The following ARL13B variants were observed in gnomAD, a reference collection of about 807,000 sequenced individuals.
ARL13B encodes ARF like GTPase 13B, also known as ADP-ribosylation factor-like protein 13B.
A neutral mutation model predicts 56.1 loss-of-function variants in ARL13B; 36 were observed. The observed-to-expected ratio is 0.64, with a 90% CI of 0.49 to 0.85. ARL13B has a LOEUF of 0.85. ARL13B is among the 40% of genes least tolerant of loss of function. The pLI is 0.00. For missense variants in ARL13B, 519 were observed against 507.1 expected (o/e 1.02, Z -0.23); for synonymous variants, 178 against 171.1 (o/e 1.04, Z -0.32).
intron 3 of ARL13B, among the ~76,000 whole-genome samples, chr3:94,009,761 G>C (rs1379817815): frequency 6.6e-6 from 1 of 151,930 alleles, no homozygotes; most frequent in Non-Finnish European, 1.5e-5. Context: ...TTATACTGTT[G>C]ACTCATCTCC....
At chr3:94,042,494 CATTT>C (rs974548876) in intron 6 of ARL13B, among the ~76,000 whole-genome samples, 7 of 152,078 alleles carry the variant, frequency 4.6e-5, no homozygotes, top group African/African-American at 1.7e-4. Context: ...TTGTATCTAA[CATTT>C]ATGTAGCATT....
chr3:94,031,765 T>G (rs953939525), intron 3 of ARL13B, among the ~76,000 whole-genome samples: 2 of 152,198 alleles, frequency 1.3e-5, no homozygotes, highest in African/African-American at 4.8e-5. Flanking sequence ...ACAAGGTTAT[T>G]GTAACCAAAG....
intron 2 of ARL13B, among the ~76,000 whole-genome samples, chr3:93,999,603 G>T (rs563472663): frequency 1.3e-5 from 2 of 151,986 alleles, no homozygotes; most frequent in Admixed American, 6.6e-5. Flanking sequence ...TTAAATGTTC[G>T]ATTAAATTAT....
intron 6 of ARL13B, 30 bp downstream of exon 6, chr3:94,040,018 A>G: frequency 6.3e-7 from 1 of 1,590,392 alleles, no homozygotes; most frequent in South Asian, 1.1e-5. Context: ...TAATTTTTGT[A>G]TCTTAAGTTA....
At chr3:94,043,709 C>A (rs1207289175) in intron 7 of ARL13B, among the ~76,000 whole-genome samples, 2 of 104,714 alleles carry the variant, frequency 1.9e-5, no homozygotes, top group Non-Finnish European at 3.7e-5. Flanking sequence ...CGAGCCTGGA[C>A]TGTACTGCCA....
At chr3:93,980,558 T>TC (rs1478209060) in intron 1 of ARL13B, 76 bp downstream of exon 1, 1 of 1,572,516 alleles carries the variant, frequency 6.4e-7, no homozygotes, top group African/African-American at 1.3e-5. Flanking sequence ...CGCCGCCTTT[T>TC]CCCCGCGCCT....
At chr3:94,039,827 AT>A in intron 5 of ARL13B, 52 bp from the exon 6 acceptor site, 2 of 1,520,532 alleles carry the variant, frequency 1.3e-6, no homozygotes, top group Non-Finnish European at 1.8e-6. Flanking sequence ...TTTCTTTAAC[AT>A]GGTTCAGCAC....
chr3:94,010,081 G>A (rs1016420016), intron 3 of ARL13B, among the ~76,000 whole-genome samples: 20 of 151,950 alleles, frequency 1.3e-4, no homozygotes, highest in Middle Eastern at 3.2e-3. Flanking sequence ...TTTTCCATAC[G>A]TGCTCTCCAG....
chr3:94,015,811 T>G (rs1031258952), intron 3 of ARL13B, among the ~76,000 whole-genome samples: 1 of 152,180 alleles, frequency 6.6e-6, no homozygotes, highest in Non-Finnish European at 1.5e-5. Flanking sequence ...TTATTTTAAA[T>G]TTTCCGAAGC....
chr3:94,014,474 C>CCAA (rs2076285329), intron 3 of ARL13B: 1 of 1,607,392 alleles, frequency 6.2e-7, no homozygotes, highest in South Asian at 1.1e-5. Context: ...CCAAATTTCT[C>CCAA]TTTAGTATTG....
intron 1 of ARL13B, among the ~76,000 whole-genome samples, chr3:93,985,708 A>T (rs1710431542): frequency 6.6e-6 from 1 of 152,204 alleles, no homozygotes; most frequent in South Asian, 2.1e-4. Context: ...TAAGTAGGTA[A>T]CAAATCCTTG....
At chr3:94,005,755 C>CT (rs1559978549) in intron 3 of ARL13B, among the ~76,000 whole-genome samples, 1 of 151,982 alleles carries the variant, frequency 6.6e-6, no homozygotes, top group Non-Finnish European at 1.5e-5. Context: ...AGGTAAACTG[C>CT]TTTTTGGAAG....
intron 1 of ARL13B, among the ~76,000 whole-genome samples, chr3:93,985,074 G>T (rs576419143): frequency 2.8e-4 from 42 of 152,000 alleles, no homozygotes; most frequent in Non-Finnish European, 5.7e-4. Flanking sequence ...ATATATTACT[G>T]TTTCAGTGTA....
chr3:93,996,508 G>T, intron 2 of ARL13B: 1 of 265,806 alleles, frequency 3.8e-6, no homozygotes, highest in Non-Finnish European at 7.8e-6. Context: ...TTGAATGCTG[G>T]CTAGTCTTCT....
intron 6 of ARL13B, among the ~76,000 whole-genome samples, chr3:94,041,670 G>C (rs1185947494): frequency 6.6e-6 from 1 of 152,120 alleles, no homozygotes; most frequent in African/African-American, 2.4e-5. Flanking sequence ...ACTAGTCCTA[G>C]TGACACGTAT....
intron 2 of ARL13B, among the ~76,000 whole-genome samples, chr3:93,997,495 A>AT (rs780419627): frequency 1.3e-5 from 2 of 152,118 alleles, no homozygotes; most frequent in African/African-American, 2.4e-5. Context: ...ATTGTCTATG[A>AT]TTTTTTCTAA....
rs535520085 is a variant in ARL13B at position 93,982,208 on chromosome 3, A to G, written c.59+1726A>G. Among the ~76,000 whole-genome samples the G allele has an allele frequency of 2.0e-4, 30 of 152,358 alleles. No individual in the cohort carries two copies. The South Asian group carries it at 5.8e-3, about 29-fold the overall frequency. On this transcript the variant is annotated intron_variant, in intron 1 of 9. Coordinates refer to ENST00000394222, the MANE Select transcript of ARL13B (RefSeq NM_001174150.2). ...CTCTGGAATGATTTGTTTAAAGAGA[A>G]GAGTTCAGAGAAAGGAGAATGTATT...
At chr3:94,052,683 T>C (rs564927002) in intron 9 of ARL13B, among the ~76,000 whole-genome samples, 1 of 152,292 alleles carries the variant, frequency 6.6e-6, no homozygotes, top group East Asian at 1.9e-4. Context: ...TGGTAAGATG[T>C]CTTAACTTGC....
At chr3:94,042,951 C>G (rs2076887343) in intron 6 of ARL13B, 64 bp from the exon 7 acceptor site, 1 of 1,330,148 alleles carries the variant, frequency 7.5e-7, no homozygotes, top group Admixed American at 2.4e-5. Context: ...TTGATTTCCT[C>G]TCCCTTAAAA....
Sources: allele counts gnomAD v4.1 joint callset (sites outside exome capture counted in the v4.1 genomes callset), GRCh38; gene constraint gnomAD v4.1.1; transcripts MANE v1.5; gene names NCBI Gene and HGNC (gene_info 2026-07-23, HGNC 2026-07-21).